The following FBN1 variants were observed in gnomAD, a reference collection of about 807,000 sequenced individuals.
The protein encoded by FBN1 is fibrillin-1.
In FBN1, 29 loss-of-function variants were observed where a neutral mutation model predicts 365.1. The ratio of observed to expected loss-of-function variants is 0.08; its 90% CI spans 0.06 to 0.11. FBN1 has a LOEUF of 0.11. Among genes scored for constraint, FBN1 ranks in the 10% least tolerant of loss-of-function variants. FBN1 has a pLI of 1.00. For synonymous variants in FBN1, 1,210 were observed against 1,270.5 expected, an observed-to-expected ratio of 0.95 and a Z score of 1.01; for missense variants, 2,476 against 3,703.2, an observed-to-expected ratio of 0.67 and a Z score of 8.60.
At chr15:48,517,509 A>G (rs1401920835) in intron 10 of FBN1, among the ~76,000 whole-genome samples, 1 of 152,176 alleles carries the variant, frequency 6.6e-6, no homozygotes, top group Non-Finnish European at 1.5e-5. Context: ...CTTCCCTATG[A>G]TTCTACATTT....
intron 17 of FBN1, among the ~76,000 whole-genome samples, chr15:48,503,262 A>G (rs2043676977): frequency 6.8e-6 from 1 of 146,696 alleles, no homozygotes; most frequent in South Asian, 2.2e-4. Context: ...GCGCCACTGC[A>G]CTCCAGCCTG....
At position 48,513,679 on chromosome 15, in the gene FBN1, C is replaced by T; in HGVS notation, c.1469-11G>A. ...CACATTCATCAACATCTGCAAAGCA[C>T]AATGTATTTTAGTGCAAAATTACAT... On this transcript the variant is annotated splice_polypyrimidine_tract_variant and intron_variant, in intron 12 of 65. Coordinates refer to ENST00000316623, the MANE Select transcript of FBN1 (RefSeq NM_000138.5). 6.2e-7 allele frequency: 1 copy of T among 1,613,794 alleles called. No individual in the cohort carries two copies. Among genetic ancestry groups the T allele is most frequent in the Non-Finnish European group, 8.5e-7 (1 of 1,179,832 alleles).
intron 57 of FBN1, 140 bp from the exon 58 acceptor site, chr15:48,427,913 G>T: frequency 1.3e-6 from 1 of 752,002 alleles, no homozygotes. Flanking sequence ...GGGGAAAGCT[G>T]GAGACAGCAG....
rs369090026 is a variant in FBN1 at position 48,610,712 on chromosome 15, G to A, written c.346+16C>T. On this transcript the variant is annotated intron_variant, in intron 4 of 65. Coordinates refer to ENST00000316623, the MANE Select transcript of FBN1 (RefSeq NM_000138.5). ...CACATAAAATAATATTATATATAAT[G>A]ACATGTTAGACTTACTGGATCTGGA... 66 of 1,567,958 alleles carry A rather than the reference G, an allele frequency of 4.2e-5. No individual in the cohort carries two copies. The highest frequency in any genetic ancestry group is 5.4e-5 in the Non-Finnish European group (62 of 1,138,560).
chr15:48,420,826 A>C lies in FBN1; in HGVS notation c.7700-20T>G. ...CCACGTCTGAAAAAGAAGCAGAGCC[A>C]CCATGATGCCAACTCAACATCTCTC... On this transcript the variant is annotated intron_variant, in intron 62 of 65. Transcript: ENST00000316623. 6.2e-7 allele frequency: 1 copy of C among 1,612,898 alleles called. No homozygotes were observed. The highest frequency in any genetic ancestry group is 2.2e-5 in the East Asian group (1 of 44,862).
intron 12 of FBN1, 116 bp from the exon 13 acceptor site, chr15:48,513,784 T>C (rs2043780195): frequency 2.5e-6 from 3 of 1,188,958 alleles, no homozygotes; most frequent in Non-Finnish European, 3.6e-6. Context: ...ATAAATAACA[T>C]AATAAAAGGA....
chr15:48,542,392 A>G (rs1245607060), intron 6 of FBN1, among the ~76,000 whole-genome samples: 4 of 152,186 alleles, frequency 2.6e-5, no homozygotes, highest in African/African-American at 4.8e-5. Flanking sequence ...ATATCAATTT[A>G]TCCATGACAT....
chr15:48,466,849 T>C (rs2043327072), intron 38 of FBN1, among the ~76,000 whole-genome samples: 3 of 152,100 alleles, frequency 2.0e-5, no homozygotes, highest in Admixed American at 2.0e-4. Context: ...CCATACTTTT[T>C]GAATTTCTTC....
intron 32 of FBN1, among the ~76,000 whole-genome samples, chr15:48,475,081 A>T (rs1211028003): frequency 2.0e-5 from 3 of 151,960 alleles, no homozygotes; most frequent in Admixed American, 2.0e-4. Flanking sequence ...CTTGTTGGCA[A>T]ATTAGAAAAT....
intron 30 of FBN1, among the ~76,000 whole-genome samples, chr15:48,484,375 ATT>A (rs562389903): frequency 9.0e-5 from 13 of 143,878 alleles, no homozygotes; most frequent in Admixed American, 1.4e-4. Context: ...ACTTTCAACA[ATT>A]TTTTTTTTTT....
chr15:48,528,050 A>C (rs949272644), intron 8 of FBN1, among the ~76,000 whole-genome samples: 1 of 152,274 alleles, frequency 6.6e-6, no homozygotes, highest in Non-Finnish European at 1.5e-5. Context: ...AATTGTAATT[A>C]AGAAGAATGT....
intron 15 of FBN1, among the ~76,000 whole-genome samples, chr15:48,506,876 G>A (rs1257732606): frequency 1.3e-5 from 2 of 152,000 alleles, no homozygotes; most frequent in Non-Finnish European, 2.9e-5. Context: ...TGCTCTATAA[G>A]CTAGAAAAAA....
intron 44 of FBN1, among the ~76,000 whole-genome samples, chr15:48,453,258 AAAAC>A (rs981353643): frequency 6.1e-5 from 9 of 148,284 alleles, no homozygotes; most frequent in African/African-American, 7.5e-5. Flanking sequence ...CTCCAAGTCC[AAAAC>A]AAACAAACAA....
intron 51 of FBN1, 91 bp from the exon 52 acceptor site, chr15:48,437,478 C>T (rs1421484154): frequency 8.0e-6 from 9 of 1,120,384 alleles, no homozygotes; most frequent in African/African-American, 3.0e-5. Flanking sequence ...TTGCTACATG[C>T]TGTGCATATT....
intron 17 of FBN1, among the ~76,000 whole-genome samples, chr15:48,500,070 A>T (rs2043641773): frequency 6.6e-6 from 1 of 152,220 alleles, no homozygotes; most frequent in African/African-American, 2.4e-5. Flanking sequence ...GAAAGCAGTG[A>T]TGATTTAATT....
At chr15:48,600,113 A>G (rs760753321) in intron 5 of FBN1, 26 bp downstream of exon 5, 33 of 1,512,956 alleles carry the variant, frequency 2.2e-5, no homozygotes, top group Non-Finnish European at 2.9e-5. Flanking sequence ...TAACATCTAG[A>G]ATACTTATAA....
intron 13 of FBN1, among the ~76,000 whole-genome samples, chr15:48,512,626 C>T (rs373213605): frequency 1.3e-4 from 20 of 152,300 alleles, no homozygotes; most frequent in African/African-American, 4.8e-4. Flanking sequence ...ACCTCCGGCT[C>T]CATCCATGTC....
chr15:48,633,131 C>T (rs1890019516), intron 2 of FBN1, among the ~76,000 whole-genome samples: 1 of 152,276 alleles, frequency 6.6e-6, no homozygotes, highest in Non-Finnish European at 1.5e-5. Flanking sequence ...ATAATATCAA[C>T]AAGCCCAAGA....
Position 48,412,572 on chromosome 15 carries a change from G to A in FBN1, c.8223C>T (p.Ile2741=), listed in dbSNP as rs150065311. ...RSTNETDASN[I]EDQSETEANV... is the part of the protein sequence containing the mutation. ...GAGAAACTAACTTCTGACCCACCTC[G>A]ATATTGGAGGCATCAGTTTCGTTTG... Residue 2741 remains isoleucine, a synonymous_variant, in exon 65 of 66, where the codon ATC becomes ATT. Transcript: ENST00000316623. 9 of 1,613,910 alleles carry A rather than the reference G, an allele frequency of 5.6e-6. No homozygotes were observed. The Admixed American group carries it at 1.0e-4, about 18-fold the overall frequency.
Sources: allele counts gnomAD v4.1 joint callset (sites outside exome capture counted in the v4.1 genomes callset), GRCh38; gene constraint gnomAD v4.1.1; transcripts MANE v1.5; gene names NCBI Gene and HGNC (gene_info 2026-07-23, HGNC 2026-07-21).